The following ALMS1 variants were observed in gnomAD, a reference collection of about 807,000 sequenced individuals.
ALMS1 encodes centrosome-associated protein ALMS1.
Under a neutral mutation model 352.2 loss-of-function variants are expected in ALMS1, and 271 were observed. The observed-to-expected ratio is 0.77, with a 90% CI of 0.70 to 0.85. The LOEUF is 0.85. Among genes scored for constraint, ALMS1 ranks in the 40% least tolerant of loss-of-function variants. ALMS1 has a pLI of 0.00. For synonymous variants in ALMS1, 1,865 were observed against 1,761.2 expected (o/e 1.06, Z -1.48); for missense variants, 5,445 against 4,870.7 (o/e 1.12, Z -3.51).
At position 73,449,982 on chromosome 2, in the gene ALMS1, G is replaced by A. The variant is rs776404185; in HGVS notation, c.3455G>A (p.Ser1152Asn). 3 of 1,613,940 alleles carry A rather than the reference G, an allele frequency of 1.9e-6. No homozygotes were observed. The highest frequency in any genetic ancestry group is 2.5e-6 in the Non-Finnish European group (3 of 1,179,914). Reference protein sequence around the residue: ...TSYSQHREKPSIFHQQALPGT... With the variant: ...TSYSQHREKPNIFHQQALPGT... ...TACTCACAACATAGAGAAAAGCCCAGCATTTTCCACCAGCAGGCCTTGCCA... is the reference window on the plus strand; with the variant it reads ...TACTCACAACATAGAGAAAAGCCCAACATTTTCCACCAGCAGGCCTTGCCA... Residue 1152 changes from serine (S) to asparagine (N), a missense_variant, in exon 8 of 23, where the codon AGC becomes AAC. Coordinates refer to ENST00000613296, the MANE Select transcript of ALMS1 (RefSeq NM_001378454.1).
intron 21 of ALMS1, among the ~76,000 whole-genome samples, chr2:73,604,499 A>C (rs936710282): frequency 6.6e-6 from 1 of 152,238 alleles, no homozygotes; most frequent in African/African-American, 2.4e-5. Context: ...TTAGGCATTC[A>C]TTGGACACTT....
intron 16 of ALMS1, among the ~76,000 whole-genome samples, chr2:73,588,201 G>A (rs11903916): frequency 0.37 from 56,682 of 152,006 alleles, 14,354 homozygotes; most frequent in African/African-American, 0.72. Context: ...AAACCAGGAA[G>A]GGACATAACA....
rs45486496 is a variant in ALMS1, at chr2:73,600,773, A to G, written c.11764A>G (p.Asn3922Asp). 7.2e-5 allele frequency: 117 copies of G among 1,614,214 alleles called. 4 individuals carry two copies. The South Asian group carries it at 1.1e-3, about 15-fold the overall frequency. ...TTCCAGCGAGGCTAAATTGGAAGAG[A>G]ACAGTGATGTGACTTCTTGGTCAGA... ...PSSSEAKLEE[N>D]SDVTSWSEEK... The change falls in exon 18 of 23, where the codon AAC becomes GAC. Residue 3922 changes from asparagine to aspartate, a missense_variant. Physicochemically the swap from Asn to Asp is conservative, Grantham distance 23. Coordinates refer to ENST00000613296, the MANE Select transcript of ALMS1 (RefSeq NM_001378454.1).
Position 73,448,427 on chromosome 2 carries a change from C to T in ALMS1, c.1900C>T (p.Gln634Ter), listed in dbSNP as rs780843883. 3.1e-6 allele frequency: 5 copies of T among 1,613,980 alleles called. No individual in the cohort carries two copies. Among genetic ancestry groups the T allele is most frequent in the Non-Finnish European group, 3.4e-6 (4 of 1,179,934 alleles). Residue 634 changes from glutamine (Q) to a stop codon, truncating the protein, a stop_gained, in exon 8 of 23, where the codon CAA becomes TAA. Transcript: ENST00000613296. LOFTEE classifies it high-confidence loss of function. ...HREKPGTFYQ[Q>*]ELPESNLTEE... Reference sequence around the variant, plus strand: ...AGAGAAGCCTGGTACTTTTTACCAACAAGAGTTACCAGAGAGTAACTTAAC... The same window carrying T: ...AGAGAAGCCTGGTACTTTTTACCAATAAGAGTTACCAGAGAGTAACTTAAC...
chr2:73,547,997 G>A (rs552590397), intron 12 of ALMS1, among the ~76,000 whole-genome samples: 2 of 152,262 alleles, frequency 1.3e-5, no homozygotes, highest in East Asian at 1.9e-4. Flanking sequence ...AATGTCTGGC[G>A]TGAGCAACTA....
At chr2:73,508,961 T>TCGC (rs1396305869) in intron 10 of ALMS1, among the ~76,000 whole-genome samples, 1 of 152,226 alleles carries the variant, frequency 6.6e-6, no homozygotes, top group Admixed American at 6.5e-5. Context: ...CATTGATCCG[T>TCGC]TTACCATTAT....
chr2:73,508,959 C>T (rs747128397), intron 10 of ALMS1, among the ~76,000 whole-genome samples: 15 of 152,070 alleles, frequency 9.9e-5, no homozygotes, highest in African/African-American at 3.4e-4. Context: ...TGCATTGATC[C>T]GTTTACCATT....
chr2:73,455,090 C>T (rs1672032037), intron 8 of ALMS1, 72 bp from the exon 9 acceptor site: 3 of 1,518,898 alleles, frequency 2.0e-6, no homozygotes, highest in Non-Finnish European at 1.8e-6. Context: ...TATTGATGAT[C>T]TTCTGTGTTG....
chr2:73,474,401 GTGTGTGTGTC>G (rs916985242), intron 9 of ALMS1, among the ~76,000 whole-genome samples: 2 of 49,050 alleles, frequency 4.1e-5, no homozygotes, highest in African/African-American at 1.1e-4. Context: ...GTGTGTGTGT[GTGTGTGTGTC>G]TATTGGTTTA....
intron 2 of ALMS1, among the ~76,000 whole-genome samples, chr2:73,409,151 C>T (rs914701337): frequency 6.6e-6 from 1 of 152,122 alleles, no homozygotes; most frequent in Admixed American, 6.6e-5. Context: ...GCTAGGATTA[C>T]AGGAGTGAGC....
chr2:73,452,161 T>G lies in ALMS1; in HGVS notation c.5634T>G (p.Val1878=). The G allele has an allele frequency of 1.2e-6, 2 of 1,609,172 alleles. No homozygotes were observed. Among genetic ancestry groups the G allele is most frequent in the South Asian group, 2.2e-5 (2 of 90,880 alleles). The change falls in exon 8 of 23, where the codon GTT becomes GTG. Residue 1878 remains valine (V), a synonymous_variant. Coordinates refer to ENST00000613296, the MANE Select transcript of ALMS1 (RefSeq NM_001378454.1). ...LTEVTLKAIG[V]PGPADQKTGI... ...AAGTAACTTTGAAAGCAATAGGGGT[T>G]CCTGGGCCTGCTGACCAGAAGACTG... is the stretch of plus-strand genomic sequence containing the variant.
At chr2:73,609,496 CAGGGAGG>C in intron 22 of ALMS1, 65 bp from the exon 23 acceptor site, 1 of 1,384,710 alleles carries the variant, frequency 7.2e-7, no homozygotes, top group Non-Finnish European at 1.0e-6. Context: ...GACATGGATG[CAGGGAGG>C]AGAGGCATCT....
chr2:73,424,564 T>C lies in ALMS1; in HGVS notation c.899T>C (p.Leu300Pro), dbSNP rs1350381384. ...SSRFSVSQHP[L>P]IGSTAVGSQC... is the part of the protein sequence containing the mutation. ...CGCTTTAGTGTATCTCAGCACCCGC[T>C]TATAGGCAGCACAGCTGTTGGGTCT... Residue 300 changes from leucine to proline, a missense_variant, in exon 5 of 23, where the codon CTT (leucine) becomes CCT (proline). Coordinates refer to ENST00000613296, the MANE Select transcript of ALMS1 (RefSeq NM_001378454.1). 4 of 1,614,000 alleles carry C rather than the reference T, an allele frequency of 2.5e-6. No homozygotes were observed. The highest frequency in any genetic ancestry group is 1.3e-5 in the African/African-American group (1 of 75,042).
intron 1 of ALMS1, among the ~76,000 whole-genome samples, chr2:73,389,212 T>A (rs1317886391): frequency 1.3e-5 from 2 of 152,230 alleles, no homozygotes; most frequent in African/African-American, 4.8e-5. Context: ...CATTTTTTCA[T>A]GTTTTTTGGC....
chr2:73,514,604 A>C (rs181397249), intron 10 of ALMS1, among the ~76,000 whole-genome samples: 30 of 152,332 alleles, frequency 2.0e-4, no homozygotes, highest in Admixed American at 5.2e-4. Context: ...ATATATACAC[A>C]AGAGTGTATG....
chr2:73,532,904 C>T (rs1572999745), intron 11 of ALMS1, among the ~76,000 whole-genome samples: 1 of 152,164 alleles, frequency 6.6e-6, no homozygotes, highest in Non-Finnish European at 1.5e-5. Flanking sequence ...TACCACTGCT[C>T]ACTATTCAGG....
intron 11 of ALMS1, among the ~76,000 whole-genome samples, chr2:73,527,772 ATTTC>A (rs1673823263): frequency 6.7e-6 from 1 of 150,216 alleles, no homozygotes; most frequent in African/African-American, 2.5e-5. Context: ...TCTGATCTTT[ATTTC>A]TTTTTTTCTG....
Position 73,450,711 on chromosome 2 carries a change from C to T in ALMS1, c.4184C>T (p.Ser1395Leu), listed in dbSNP as rs1329421967. 18 of 1,613,136 alleles carry T rather than the reference C, an allele frequency of 1.1e-5. No individual in the cohort carries two copies. The highest frequency in any genetic ancestry group is 1.7e-4 in the Middle Eastern group (1 of 6,058). The change falls in exon 8 of 23, where the codon TCG becomes TTG. Residue 1395 changes from serine (S) to leucine (L), a missense_variant. Ser to Leu is a moderately radical substitution (Grantham distance 145, BLOSUM62 -2). Transcript: ENST00000613296. ...TEKPSIFYQQ[S>L]LPGSHLTEEA... Reference sequence around the variant, plus strand: ...AAGCCGAGTATTTTCTACCAACAGTCGTTGCCAGGTAGTCATCTAACTGAA... The same window carrying T: ...AAGCCGAGTATTTTCTACCAACAGTTGTTGCCAGGTAGTCATCTAACTGAA...
intron 1 of ALMS1, among the ~76,000 whole-genome samples, chr2:73,399,177 A>G (rs577359779): frequency 6.6e-6 from 1 of 152,292 alleles, no homozygotes; most frequent in East Asian, 1.9e-4. Context: ...ACAGACAGTC[A>G]TGTCATCTGC....
Sources: allele counts gnomAD v4.1 joint callset (sites outside exome capture counted in the v4.1 genomes callset), GRCh38; gene constraint gnomAD v4.1.1; transcripts MANE v1.5; gene names NCBI Gene and HGNC (gene_info 2026-07-23, HGNC 2026-07-21).